Variants in RBFOX1 observed in about 807,000 individuals in gnomAD.
The protein encoded by RBFOX1 is RNA binding fox-1 homolog 1, also known as RNA binding protein fox-1 homolog 1.
RBFOX1 carries 8 observed loss-of-function variants against 57.7 expected under a neutral mutation model. That is an observed-to-expected ratio of 0.14 (90% confidence interval 0.08 to 0.25). RBFOX1 has a LOEUF of 0.25. Among genes scored for constraint, RBFOX1 ranks in the 10% least tolerant of loss-of-function variants. The pLI, the probability that RBFOX1 is intolerant of heterozygous loss-of-function variation, is 1.00. For synonymous variants in RBFOX1, 326 were observed against 222.4 expected, an observed-to-expected ratio of 1.47 and a Z score of -4.15; for missense variants, 611 against 548.5, an observed-to-expected ratio of 1.11 and a Z score of -1.14.
chr16:6,701,533 A>T (rs915738370), intron 3 of RBFOX1, among the ~76,000 whole-genome samples: 7 of 152,190 alleles, frequency 4.6e-5, no homozygotes, highest in African/African-American at 1.7e-4. Context: ...GCTTCTGGTG[A>T]GGCCTCAGGA....
At chr16:5,702,578 G>T (rs1052122747) in intron 3 of RBFOX1, among the ~76,000 whole-genome samples, 1 of 152,212 alleles carries the variant, frequency 6.6e-6, no homozygotes, top group African/African-American at 2.4e-5. Context: ...AACAAGGTTT[G>T]AGAGAGGATT....
chr16:7,116,595 A>T (rs1412615633), intron 4 of RBFOX1, among the ~76,000 whole-genome samples: 1 of 152,212 alleles, frequency 6.6e-6, no homozygotes, highest in South Asian at 2.1e-4. Flanking sequence ...CTTTTGGAAA[A>T]GAAAAACAAA....
At chr16:5,839,936 CAAA>C (rs1223193784) in intron 3 of RBFOX1, among the ~76,000 whole-genome samples, 1 of 152,106 alleles carries the variant, frequency 6.6e-6, no homozygotes, top group Admixed American at 6.5e-5. Context: ...CTAAGGTAGA[CAAA>C]GAAGAAGGTG....
intron 1 of RBFOX1, among the ~76,000 whole-genome samples, chr16:6,180,329 A>G (rs1205068329): frequency 1.3e-5 from 2 of 151,634 alleles, no homozygotes; most frequent in African/African-American, 2.4e-5. Flanking sequence ...CAGATTTTCT[A>G]TTTCCTCTTG....
At chr16:6,990,897 A>T (rs1056933079) in intron 3 of RBFOX1, among the ~76,000 whole-genome samples, 1 of 152,116 alleles carries the variant, frequency 6.6e-6, no homozygotes, top group African/African-American at 2.4e-5. Flanking sequence ...GTCATTTTTT[A>T]TGATAGAAAA....
chr16:7,147,216 G>T (rs775801616), intron 4 of RBFOX1, among the ~76,000 whole-genome samples: 1 of 150,360 alleles, frequency 6.7e-6, no homozygotes. Context: ...TGTTGGCCAG[G>T]CTGGTCAGGA....
At chr16:5,566,113 A>G (rs2046058564) in intron 2 of RBFOX1, among the ~76,000 whole-genome samples, 1 of 152,088 alleles carries the variant, frequency 6.6e-6, no homozygotes, top group Non-Finnish European at 1.5e-5. Flanking sequence ...TGGAACTGGG[A>G]GTCCATTAAA....
At chr16:5,579,656 C>T (rs1159425853) in intron 2 of RBFOX1, among the ~76,000 whole-genome samples, 1 of 152,202 alleles carries the variant, frequency 6.6e-6, no homozygotes, top group Admixed American at 6.5e-5. Context: ...TAGGGGAAAC[C>T]TTCCCCAACT....
At chr16:5,722,683 T>G (rs746054325) in intron 3 of RBFOX1, among the ~76,000 whole-genome samples, 5 of 152,210 alleles carry the variant, frequency 3.3e-5, no homozygotes, top group Non-Finnish European at 7.3e-5. Context: ...GGTTGAGGAC[T>G]TTCTCAAACA....
chr16:6,561,747 A>G (rs1426598673), intron 2 of RBFOX1, among the ~76,000 whole-genome samples: 1 of 152,176 alleles, frequency 6.6e-6, no homozygotes, highest in Non-Finnish European at 1.5e-5. Flanking sequence ...TAATTTAATT[A>G]TTGGTAACAT....
chr16:6,244,157 C>G (rs1024665135), intron 1 of RBFOX1, among the ~76,000 whole-genome samples: 2 of 152,058 alleles, frequency 1.3e-5, no homozygotes, highest in African/African-American at 4.8e-5. Context: ...TCCATTATCC[C>G]TTCTAGTCTA....
intron 1 of RBFOX1, among the ~76,000 whole-genome samples, chr16:6,060,460 C>T (rs917251370): frequency 2.0e-5 from 3 of 152,114 alleles, no homozygotes; most frequent in African/African-American, 7.2e-5. Context: ...GAGAAGCTTC[C>T]TACAATAACC....
At chr16:6,044,616 A>G (rs2095476408) in intron 1 of RBFOX1, among the ~76,000 whole-genome samples, 4 of 152,252 alleles carry the variant, frequency 2.6e-5, no homozygotes, top group African/African-American at 9.6e-5. Flanking sequence ...TGAAATTTTA[A>G]AAAGGTATGG....
At chr16:7,327,804 C>A (rs1004048343) in intron 4 of RBFOX1, among the ~76,000 whole-genome samples, 2 of 131,206 alleles carry the variant, frequency 1.5e-5, no homozygotes, top group African/African-American at 7.3e-5. Context: ...CCCCATTAAA[C>A]AATATTACCT....
At chr16:6,738,818 T>C (rs2071213966) in intron 3 of RBFOX1, among the ~76,000 whole-genome samples, 2 of 152,120 alleles carry the variant, frequency 1.3e-5, no homozygotes, top group African/African-American at 4.8e-5. Context: ...AACTAGAAAT[T>C]AATTCATAAA....
At chr16:6,260,226 AT>A (rs2097693575) in intron 1 of RBFOX1, among the ~76,000 whole-genome samples, 1 of 152,154 alleles carries the variant, frequency 6.6e-6, no homozygotes, top group South Asian at 2.1e-4. Context: ...CAATTGATAT[AT>A]TGCCGCAGAA....
At chr16:5,496,436 C>G (rs1363668101) in intron 2 of RBFOX1, among the ~76,000 whole-genome samples, 2 of 152,100 alleles carry the variant, frequency 1.3e-5, no homozygotes, top group Non-Finnish European at 2.9e-5. Context: ...TCAGCTTCAT[C>G]TCGAATGTGT....
intron 3 of RBFOX1, among the ~76,000 whole-genome samples, chr16:5,736,235 C>T (rs1306890911): frequency 1.3e-5 from 2 of 152,202 alleles, no homozygotes; most frequent in South Asian, 2.1e-4. Context: ...AACCTGGCGT[C>T]CTGGAGACAT....
At chr16:6,483,690 G>C in intron 2 of RBFOX1, 1 of 1,368,304 alleles carries the variant, frequency 7.3e-7, no homozygotes. Flanking sequence ...GCAGAGGGAC[G>C]GGGGCGGGCG....
Sources: gnomAD v4.1 joint callset for allele counts (sites outside exome capture counted in the v4.1 genomes callset) on GRCh38, gnomAD v4.1.1 for gene constraint, MANE v1.5 for transcripts, NCBI Gene and HGNC (gene_info 2026-07-23, HGNC 2026-07-21) for gene names.